CHCHD3: variants seen among roughly 807,000 people sequenced by gnomAD.
CHCHD3 encodes the protein coiled-coil-helix-coiled-coil-helix domain containing 3.
CHCHD3 carries 20 observed loss-of-function variants against 38.2 expected under a neutral mutation model. The observed-to-expected ratio is 0.52, with a 90% CI of 0.37 to 0.76. The LOEUF (loss-of-function observed/expected upper bound fraction) is 0.76. CHCHD3 is among the 30% of genes least tolerant of loss of function. The pLI is 0.00. For missense variants in CHCHD3, 245 were observed against 279.2 expected (o/e 0.88, Z 0.87); for synonymous variants, 82 against 100.0 (o/e 0.82, Z 1.07).
intron 6 of CHCHD3, among the ~76,000 whole-genome samples, chr7:132,816,215 G>A (rs999107584): frequency 6.6e-6 from 1 of 152,062 alleles, no homozygotes; most frequent in Non-Finnish European, 1.5e-5. Flanking sequence ...ATCAGATAAT[G>A]CCCCTTTCTG....
chr7:133,005,168 ACT>A (rs1241920850), intron 3 of CHCHD3, among the ~76,000 whole-genome samples: 2 of 152,130 alleles, frequency 1.3e-5, no homozygotes, highest in East Asian at 3.9e-4. Context: ...GCAGGACCAG[ACT>A]CTGGTCTTCT....
intron 4 of CHCHD3, among the ~76,000 whole-genome samples, chr7:132,956,056 G>C (rs187511588): frequency 5.6e-4 from 85 of 152,308 alleles, no homozygotes; most frequent in Non-Finnish European, 9.9e-4. Flanking sequence ...GAGAATCTTT[G>C]TCAGGCTTCA....
intron 2 of CHCHD3, among the ~76,000 whole-genome samples, chr7:133,039,693 C>T (rs566490729): frequency 6.6e-6 from 1 of 152,296 alleles, no homozygotes; most frequent in East Asian, 1.9e-4. Flanking sequence ...GAGGCTGCCC[C>T]GAGCAGCAGC....
chr7:133,051,086 G>A (rs972775476), intron 2 of CHCHD3, among the ~76,000 whole-genome samples: 8 of 152,146 alleles, frequency 5.3e-5, no homozygotes, highest in African/African-American at 1.9e-4. Context: ...CAAGCACAGA[G>A]AATACTGCTC....
intron 4 of CHCHD3, among the ~76,000 whole-genome samples, chr7:132,891,121 C>A (rs899838051): frequency 1.3e-5 from 2 of 152,150 alleles, no homozygotes; most frequent in African/African-American, 4.8e-5. Context: ...TAGCTGTTAA[C>A]AGAATAATTA....
intron 3 of CHCHD3, among the ~76,000 whole-genome samples, chr7:133,013,206 A>AAAT (rs35863843): frequency 9.2e-6 from 1 of 108,734 alleles, no homozygotes; most frequent in African/African-American, 3.5e-5. Flanking sequence ...AAAAAAAAAA[A>AAAT]CATTCAGACA....
intron 6 of CHCHD3, among the ~76,000 whole-genome samples, chr7:132,801,115 TA>T (rs1806781406): frequency 6.6e-6 from 1 of 152,234 alleles, no homozygotes; most frequent in African/African-American, 2.4e-5. Context: ...TGCCAATATT[TA>T]AAAATATGTA....
At chr7:132,984,099 C>T (rs972071724) in intron 3 of CHCHD3, among the ~76,000 whole-genome samples, 46 of 151,666 alleles carry the variant, frequency 3.0e-4, no homozygotes, top group Non-Finnish European at 5.0e-4. Context: ...TCCACGGTCT[C>T]CCCCTGATGC....
At chr7:132,902,583 C>A (rs1469152831) in intron 4 of CHCHD3, among the ~76,000 whole-genome samples, 1 of 152,146 alleles carries the variant, frequency 6.6e-6, no homozygotes, top group Non-Finnish European at 1.5e-5. Context: ...AAACCAAACA[C>A]CACATGTTCT....
intron 7 of CHCHD3, among the ~76,000 whole-genome samples, chr7:132,793,485 A>G (rs1806518359): frequency 6.6e-6 from 1 of 152,230 alleles, no homozygotes; most frequent in Non-Finnish European, 1.5e-5. Context: ...AATACACAAG[A>G]AATAATAGCC....
intron 5 of CHCHD3, among the ~76,000 whole-genome samples, chr7:132,871,416 G>A (rs976590205): frequency 7.2e-5 from 11 of 152,184 alleles, no homozygotes; most frequent in African/African-American, 2.7e-4. Flanking sequence ...ACTACACCAT[G>A]AGAGAATAGA....
chr7:132,877,770 G>A lies in CHCHD3; in HGVS notation c.453+7892C>T, dbSNP rs529441773. On this transcript the variant is annotated intron_variant, in intron 5 of 7. Coordinates refer to ENST00000262570, the MANE Select transcript of CHCHD3 (RefSeq NM_017812.4). ...TCTCGGTAACTATAGAAACCACAGG[G>A]AATCTGCCCTGATCTCCACATGAAT... Among the ~76,000 whole-genome samples the A allele has an allele frequency of 1.5e-4, 18 of 117,242 alleles. No homozygotes were observed. The East Asian group carries it at 4.0e-3, about 26-fold the overall frequency. The allele number at this position is 117,242 out of a possible 152,430, so 76.9% of individuals were successfully genotyped here.
chr7:132,923,524 G>A (rs957814196), intron 4 of CHCHD3, among the ~76,000 whole-genome samples: 4 of 151,972 alleles, frequency 2.6e-5, no homozygotes, highest in South Asian at 2.1e-4. Context: ...TAGTAGTTAC[G>A]TTGAATAAGA....
intron 5 of CHCHD3, among the ~76,000 whole-genome samples, chr7:132,854,222 T>G (rs1253629350): frequency 6.6e-6 from 1 of 152,202 alleles, no homozygotes; most frequent in Non-Finnish European, 1.5e-5. Context: ...ATTTGTTCAT[T>G]GTGGAGTTCA....
At chr7:133,016,470 A>T (rs1813032490) in intron 3 of CHCHD3, among the ~76,000 whole-genome samples, 2 of 152,218 alleles carry the variant, frequency 1.3e-5, no homozygotes, top group African/African-American at 4.8e-5. Context: ...TAAGAATGGG[A>T]TACAAAAGAA....
intron 7 of CHCHD3, among the ~76,000 whole-genome samples, chr7:132,795,230 C>A (rs1189328715): frequency 6.6e-6 from 1 of 152,214 alleles, no homozygotes; most frequent in South Asian, 2.1e-4. Context: ...ATGAATCAAC[C>A]TACGAGTCTC....
chr7:132,898,680 G>A (rs1809577145), intron 4 of CHCHD3, among the ~76,000 whole-genome samples: 1 of 152,260 alleles, frequency 6.6e-6, no homozygotes, highest in South Asian at 2.1e-4. Flanking sequence ...AGGAGGCTCG[G>A]GCCGCACAGG....
chr7:132,896,492 A>T (rs1426036790), intron 4 of CHCHD3, among the ~76,000 whole-genome samples: 1 of 152,224 alleles, frequency 6.6e-6, no homozygotes, highest in Admixed American at 6.5e-5. Flanking sequence ...GTGCTGAAAC[A>T]TATCACTGCA....
intron 3 of CHCHD3, among the ~76,000 whole-genome samples, chr7:133,020,925 A>T (rs1360545145): frequency 6.8e-6 from 1 of 148,102 alleles, no homozygotes; most frequent in African/African-American, 2.5e-5. Context: ...ATTTTGAGCC[A>T]AATAATTCTT....
Sources: allele counts gnomAD v4.1 joint callset (sites outside exome capture counted in the v4.1 genomes callset), GRCh38; gene constraint gnomAD v4.1.1; transcripts MANE v1.5; gene names NCBI Gene and HGNC (gene_info 2026-07-23, HGNC 2026-07-21).